The following ALK variants were observed in gnomAD, a reference collection of about 807,000 sequenced individuals.
The protein encoded by ALK is ALK tyrosine kinase receptor.
In ALK, 74 loss-of-function variants were observed where a neutral mutation model predicts 163.1. The observed-to-expected ratio is 0.45, with a 90% CI of 0.38 to 0.55. The LOEUF is 0.55. Ranked by LOEUF, ALK falls within the 20% of genes least tolerant of loss-of-function variation. The pLI is 0.00. For synonymous variants in ALK, 960 were observed against 843.2 expected, an observed-to-expected ratio of 1.14 and a Z score of -2.40; for missense variants, 2,063 against 2,105.3, an observed-to-expected ratio of 0.98 and a Z score of 0.39.
chr2:29,394,091 A>G (rs1219682749), intron 4 of ALK, among the ~76,000 whole-genome samples: 1 of 152,200 alleles, frequency 6.6e-6, no homozygotes, highest in Non-Finnish European at 1.5e-5. Flanking sequence ...ACCACACCAC[A>G]CTAATTTGGC....
At chr2:29,683,220 T>A (rs373981003) in intron 3 of ALK, among the ~76,000 whole-genome samples, 1 of 151,688 alleles carries the variant, frequency 6.6e-6, no homozygotes. Context: ...CTAATAAAAA[T>A]ACAAAAATTA....
intron 11 of ALK, 65 bp downstream of exon 11, chr2:29,275,034 C>T (rs943914676): frequency 6.2e-7 from 1 of 1,604,054 alleles, no homozygotes; most frequent in Non-Finnish European, 8.5e-7. Context: ...AAGACAGCAC[C>T]AATCTTTCTT....
chr2:29,669,624 A>G (rs891330908), intron 3 of ALK, among the ~76,000 whole-genome samples: 3 of 152,072 alleles, frequency 2.0e-5, no homozygotes, highest in Admixed American at 6.6e-5. Flanking sequence ...ATAAGAACTC[A>G]GTACTGCCAT....
chr2:29,911,248 A>T (rs1422619245), intron 1 of ALK, among the ~76,000 whole-genome samples: 1 of 152,178 alleles, frequency 6.6e-6, no homozygotes, highest in South Asian at 2.1e-4. Context: ...TGCAGAGGAA[A>T]ATCTACATTT....
At chr2:29,626,522 T>C (rs957704436) in intron 3 of ALK, among the ~76,000 whole-genome samples, 9 of 152,318 alleles carry the variant, frequency 5.9e-5, no homozygotes, top group African/African-American at 2.2e-4. Flanking sequence ...ATTAAACCTC[T>C]TTCCTTTATA....
chr2:29,491,102 C>T (rs766586730), intron 4 of ALK, among the ~76,000 whole-genome samples: 10 of 152,340 alleles, frequency 6.6e-5, no homozygotes, highest in East Asian at 5.8e-4. Flanking sequence ...TTAAGAACTA[C>T]GCTATAAGTC....
intron 3 of ALK, among the ~76,000 whole-genome samples, chr2:29,584,750 T>C (rs1164090228): frequency 2.0e-5 from 3 of 152,244 alleles, no homozygotes; most frequent in Non-Finnish European, 4.4e-5. Flanking sequence ...CTGAGCATGG[T>C]GACATCAGTT....
At chr2:29,541,439 C>T (rs775394579) in intron 3 of ALK, among the ~76,000 whole-genome samples, 2 of 152,144 alleles carry the variant, frequency 1.3e-5, no homozygotes, top group African/African-American at 2.4e-5. Context: ...ATTACAGGCT[C>T]ACTACCACAC....
chr2:29,689,380 C>G (rs780904744), intron 3 of ALK, among the ~76,000 whole-genome samples: 1 of 152,206 alleles, frequency 6.6e-6, no homozygotes, highest in Non-Finnish European at 1.5e-5. Flanking sequence ...AAAGTCTGCA[C>G]TTGCAGTTCA....
At position 29,222,626 on chromosome 2, in the gene ALK, A is replaced by G; in HGVS notation, c.3360-19T>C. On this transcript the variant is annotated intron_variant, in intron 20 of 28. Transcript: ENST00000389048. ...CAGACCCCTGTGCAAAGGAGAAGAC[A>G]AGAGGAGACAGAGTCAAACAGGCCA... The G allele has an allele frequency of 6.2e-7, 1 of 1,610,252 alleles. No individual in the cohort carries two copies. Among genetic ancestry groups the G allele is most frequent in the Non-Finnish European group, 8.5e-7 (1 of 1,177,708 alleles).
Position 29,920,788 on chromosome 2 carries a change from G to T in ALK, c.-129C>A. 1 of 805,054 alleles carries T rather than the reference G, an allele frequency of 1.2e-6. No individual in the cohort carries two copies. 49.9% of individuals were successfully genotyped at this position (805,054 alleles called of 1,614,324 possible). A position where few individuals can be genotyped will look rare whatever the true frequency, so the allele number is the denominator to read the frequency against. On this transcript the variant is annotated 5_prime_UTR_variant, in exon 1 of 29. Coordinates refer to ENST00000389048, the MANE Select transcript of ALK (RefSeq NM_004304.5). ...CCTTCCACCTGATCTCCAGAGGACT[G>T]TGCGTGCGCGCAAGTCTCTTGCTTT...
At chr2:29,711,502 T>C (rs1679099827) in intron 2 of ALK, among the ~76,000 whole-genome samples, 1 of 152,142 alleles carries the variant, frequency 6.6e-6, no homozygotes, top group Non-Finnish European at 1.5e-5. Flanking sequence ...GTCCTATTTG[T>C]CTTTATCACT....
chr2:29,684,036 A>T (rs961702549), intron 3 of ALK, among the ~76,000 whole-genome samples: 2 of 152,230 alleles, frequency 1.3e-5, no homozygotes, highest in African/African-American at 4.8e-5. Flanking sequence ...CACTCTAAGT[A>T]GAATAATTCT....
chr2:29,575,650 G>A (rs998985121), intron 3 of ALK, among the ~76,000 whole-genome samples: 1 of 152,280 alleles, frequency 6.6e-6, no homozygotes, highest in East Asian at 1.9e-4. Flanking sequence ...AGGAGAGCAG[G>A]GCAACCATTT....
chr2:29,789,397 C>A lies in ALK; in HGVS notation c.668-71700G>T, dbSNP rs532742619. On this transcript the variant is annotated intron_variant, in intron 1 of 28. Coordinates refer to ENST00000389048, the MANE Select transcript of ALK (RefSeq NM_004304.5). ...TATCCGGAATGGCTGAATCAGCCAA[C>A]CAACCAATTTGACTGATTCTGTCCA... 2.6e-5 allele frequency among the ~76,000 whole-genome samples: 4 copies of A among 152,292 alleles called. No homozygotes were observed. The East Asian group carries it at 7.7e-4, about 29-fold the overall frequency.
intron 4 of ALK, among the ~76,000 whole-genome samples, chr2:29,424,441 A>G (rs1670089317): frequency 1.3e-5 from 2 of 152,244 alleles, no homozygotes; most frequent in Admixed American, 6.5e-5. Flanking sequence ...TATCGTGGCT[A>G]CATAATAGCC....
chr2:29,599,307 G>A (rs1215959786), intron 3 of ALK, among the ~76,000 whole-genome samples: 1 of 152,138 alleles, frequency 6.6e-6, no homozygotes, highest in Non-Finnish European at 1.5e-5. Context: ...AAATAAAAAT[G>A]TGAGCTCTTA....
intron 8 of ALK, among the ~76,000 whole-genome samples, chr2:29,309,199 G>C (rs1264391056): frequency 6.6e-6 from 1 of 152,190 alleles, no homozygotes; most frequent in Non-Finnish European, 1.5e-5. Context: ...GGGGCCCAGA[G>C]CCCTCTGGGG....
At chr2:29,202,576 G>A (rs1669210074) in intron 26 of ALK, among the ~76,000 whole-genome samples, 1 of 152,214 alleles carries the variant, frequency 6.6e-6, no homozygotes, top group Non-Finnish European at 1.5e-5. Context: ...TAAACAATGC[G>A]TGAAAGCGCA....
Sources: gnomAD v4.1 joint callset for allele counts (sites outside exome capture counted in the v4.1 genomes callset) on GRCh38, gnomAD v4.1.1 for gene constraint, MANE v1.5 for transcripts, NCBI Gene and HGNC (gene_info 2026-07-23, HGNC 2026-07-21) for gene names.